The following COL4A1 variants were observed in gnomAD, a reference collection of about 807,000 sequenced individuals.
COL4A1 encodes the protein collagen alpha-1(IV) chain.
A neutral mutation model predicts 216.6 loss-of-function variants in COL4A1; 40 were observed. That is an observed-to-expected ratio of 0.18 (90% CI 0.14 to 0.24). COL4A1 has a LOEUF of 0.24. COL4A1 is among the 10% of genes least tolerant of loss of function. COL4A1 has a pLI of 1.00. For missense variants in COL4A1, 1,628 were observed against 2,196.8 expected, an observed-to-expected ratio of 0.74 and a Z score of 5.18; for synonymous variants, 839 against 810.7, an observed-to-expected ratio of 1.03 and a Z score of -0.59.
At chr13:110,163,043 T>C (rs1257691624) in intron 47 of COL4A1, among the ~76,000 whole-genome samples, 2 of 152,238 alleles carry the variant, frequency 1.3e-5, no homozygotes, top group African/African-American at 2.4e-5. Context: ...TTTTGCATCA[T>C]AGCCTTCACC....
chr13:110,158,465 G>A (rs1174995868), intron 49 of COL4A1, among the ~76,000 whole-genome samples: 1 of 152,188 alleles, frequency 6.6e-6, no homozygotes, highest in African/African-American at 2.4e-5. Context: ...GGCACAGCCT[G>A]GGGCAGCTGG....
At chr13:110,262,667 C>G (rs1243133103) in intron 1 of COL4A1, among the ~76,000 whole-genome samples, 2 of 152,146 alleles carry the variant, frequency 1.3e-5, no homozygotes, top group African/African-American at 4.8e-5. Context: ...GTCCAGAGTT[C>G]ATACAATGGG....
At chr13:110,253,598 C>CATAT (rs1882339236) in intron 1 of COL4A1, among the ~76,000 whole-genome samples, 2 of 119,742 alleles carry the variant, frequency 1.7e-5, no homozygotes, top group African/African-American at 2.7e-5. Flanking sequence ...TATAATTATA[C>CATAT]GTATGTATGT....
intron 49 of COL4A1, among the ~76,000 whole-genome samples, chr13:110,159,254 G>A (rs144711682): frequency 5.0e-5 from 2 of 40,154 alleles, no homozygotes; most frequent in African/African-American, 1.7e-4. Context: ...ACCCAAGGGA[G>A]CAAAAACTGG....
chr13:110,162,265 A>G lies in COL4A1; in HGVS notation c.4427T>C (p.Val1476Ala). 1 of 1,614,238 alleles carries G rather than the reference A, an allele frequency of 6.2e-7. No individual in the cohort carries two copies. The highest frequency in any genetic ancestry group is 8.5e-7 in the Non-Finnish European group (1 of 1,180,036). Residue 1476 changes from valine (V) to alanine (A), a missense_variant, in exon 48 of 52, where the codon GTG becomes GCG. Around this residue, in one of 8 missense-constraint regions of COL4A1, gnomAD observed 254 missense variants for 300.1 expected, o/e 0.85. Transcript: ENST00000375820. ...ILYHGYSLLY[V>A]QGNERAHGQD... is the part of the protein sequence containing the mutation. ...GCCATGGGCCCGTTCATTGCCTTGCACGTAGAGCAAAGAGTACCCGTGGTA... is the reference window on the plus strand; with the variant it reads ...GCCATGGGCCCGTTCATTGCCTTGCGCGTAGAGCAAAGAGTACCCGTGGTA...
intron 19 of COL4A1, 142 bp from the exon 20 acceptor site, chr13:110,201,031 C>G: frequency 1.2e-6 from 1 of 857,644 alleles, no homozygotes; most frequent in Non-Finnish European, 1.9e-6. Context: ...AGCGGGAGAC[C>G]ACCCGAGCCC....
chr13:110,178,626 G>A (rs890819018), intron 31 of COL4A1, among the ~76,000 whole-genome samples: 4 of 152,120 alleles, frequency 2.6e-5, no homozygotes, highest in African/African-American at 4.8e-5. Context: ...CTAATTAACC[G>A]TCCTATGGAA....
At chr13:110,294,282 G>A (rs554620499) in intron 1 of COL4A1, among the ~76,000 whole-genome samples, 5 of 152,270 alleles carry the variant, frequency 3.3e-5, no homozygotes, top group Middle Eastern at 3.4e-3. Flanking sequence ...CACAGGGTCC[G>A]GCTGACATGG....
At chr13:110,169,507 C>CACACACAT (rs1472622805) in intron 43 of COL4A1, 122 bp downstream of exon 43, 5 of 1,502,598 alleles carry the variant, frequency 3.3e-6, no homozygotes, top group Non-Finnish European at 4.5e-6. Context: ...AACACACACA[C>CACACACAT]ACACACACAC....
chr13:110,232,025 G>A (rs1405414020), intron 2 of COL4A1, among the ~76,000 whole-genome samples: 4 of 152,142 alleles, frequency 2.6e-5, no homozygotes, highest in Non-Finnish European at 5.9e-5. Flanking sequence ...AGGAGAAACC[G>A]TACCAAGGGT....
intron 2 of COL4A1, among the ~76,000 whole-genome samples, chr13:110,219,772 A>ATATATG (rs1566385346): frequency 7.5e-5 from 10 of 133,324 alleles, no homozygotes; most frequent in Non-Finnish European, 9.8e-5. Flanking sequence ...GTATATATGT[A>ATATATG]TATATATGCG....
At position 110,150,129 on chromosome 13, in the gene COL4A1, C is replaced by A; in HGVS notation, c.*234G>T. 3.5e-6 allele frequency: 2 copies of A among 569,882 alleles called. No homozygotes were observed. The highest frequency in any genetic ancestry group is 3.1e-5 in the East Asian group (1 of 32,356). 35.3% of individuals were successfully genotyped at this position (569,882 alleles called of 1,614,324 possible). A position where few individuals can be genotyped will look rare whatever the true frequency, so the allele number is the denominator to read the frequency against. ...TGCAGAAAATATTGATATTTTATTT[C>A]ATCAAAAGTGCCATTTGGTATGCCA... On this transcript the variant is annotated 3_prime_UTR_variant, in exon 52 of 52. Transcript: ENST00000375820.
chr13:110,251,500 C>G (rs1242201130), intron 1 of COL4A1, among the ~76,000 whole-genome samples: 1 of 152,230 alleles, frequency 6.6e-6, no homozygotes, highest in African/African-American at 2.4e-5. Context: ...CCAGGCACCC[C>G]CCAGTGCTAA....
At chr13:110,244,861 TA>T (rs1441032110) in intron 1 of COL4A1, among the ~76,000 whole-genome samples, 1 of 152,202 alleles carries the variant, frequency 6.6e-6, no homozygotes, top group Non-Finnish European at 1.5e-5. Context: ...AGAAGGGTAC[TA>T]ATTAAACAAT....
At chr13:110,242,864 T>C (rs1881627868) in intron 1 of COL4A1, 130 bp from the exon 2 acceptor site, 1 of 988,416 alleles carries the variant, frequency 1.0e-6, no homozygotes, top group African/African-American at 1.6e-5. Context: ...GACACAATCT[T>C]ATCTGCACTG....
intron 1 of COL4A1, among the ~76,000 whole-genome samples, chr13:110,292,404 G>A (rs1190976951): frequency 6.6e-5 from 10 of 152,182 alleles, no homozygotes; most frequent in African/African-American, 2.4e-4. Context: ...CTGGACTATA[G>A]TTTCTTGACT....
At chr13:110,169,294 C>A (rs2139153855) in intron 43 of COL4A1, among the ~76,000 whole-genome samples, 1 of 152,262 alleles carries the variant, frequency 6.6e-6, no homozygotes, top group African/African-American at 2.4e-5. Flanking sequence ...CATTGGCTTG[C>A]TTTTTACATT....
rs1484302551 is a variant in COL4A1 at position 110,168,829 on chromosome 13, GAGAGAGAC to G, written c.3876+792_3876+799del. ...TCTCTCTTTCTCCTAACGTGTGTTA[GAGAGAGAC>G]AGAGAGACAGACAGATGGAGACAGA... On this transcript the variant is annotated intron_variant, in intron 43 of 51. Coordinates refer to ENST00000375820, the MANE Select transcript of COL4A1 (RefSeq NM_001845.6). Among the ~76,000 whole-genome samples, 46 of 152,302 alleles carry G rather than the reference GAGAGAGAC, an allele frequency of 3.0e-4. 1 individual carries two copies. The highest frequency in any genetic ancestry group is 8.3e-4 in the South Asian group (4 of 4,826).
chr13:110,248,308 C>A (rs988086804), intron 1 of COL4A1, among the ~76,000 whole-genome samples: 20 of 152,210 alleles, frequency 1.3e-4, no homozygotes, highest in Non-Finnish European at 2.9e-4. Flanking sequence ...ACGCTCCCGG[C>A]GGGATTGCGA....
Sources: gnomAD v4.1 joint callset for allele counts (sites outside exome capture counted in the v4.1 genomes callset) on GRCh38, gnomAD v4.1.1 for gene constraint, gnomAD v4.1.1 regional missense constraint, MANE v1.5 for transcripts, NCBI Gene and HGNC (gene_info 2026-07-23, HGNC 2026-07-21) for gene names.